The following PRDM16 variants were observed in gnomAD, a reference collection of about 807,000 sequenced individuals.
The protein encoded by PRDM16 is PR/SET domain 16.
PRDM16 carries 23 observed loss-of-function variants against 110.6 expected under a neutral mutation model. That is an observed-to-expected ratio of 0.21 (90% CI 0.15 to 0.29). PRDM16 has a LOEUF of 0.29. Among genes scored for constraint, PRDM16 ranks in the 10% least tolerant of loss-of-function variants. PRDM16 has a pLI of 1.00. For synonymous variants in PRDM16, 799 were observed against 781.8 expected (o/e 1.02, Z -0.37); for missense variants, 1,615 against 1,794.3 (o/e 0.90, Z 1.81).
At chr1:3,193,636 T>C (rs1335975807) in intron 2 of PRDM16, among the ~76,000 whole-genome samples, 2 of 152,146 alleles carry the variant, frequency 1.3e-5, no homozygotes. Flanking sequence ...TCAGACATAT[T>C]CTGAGAAGTG....
chr1:3,071,296 A>ACCGGGT (rs1294770321), intron 1 of PRDM16, among the ~76,000 whole-genome samples: 8 of 152,240 alleles, frequency 5.3e-5, no homozygotes, highest in African/African-American at 1.2e-4. Context: ...GTGGCCCGGG[A>ACCGGGT]CCGGGTCCGC....
chr1:3,367,965 C>T (rs962012071), intron 3 of PRDM16, among the ~76,000 whole-genome samples: 13 of 152,112 alleles, frequency 8.5e-5, no homozygotes, highest in South Asian at 2.1e-4. Context: ...AGCAACTTAA[C>T]GTAAAAGTAA....
At chr1:3,229,459 G>C (rs1639359469) in intron 2 of PRDM16, among the ~76,000 whole-genome samples, 1 of 152,194 alleles carries the variant, frequency 6.6e-6, no homozygotes, top group Non-Finnish European at 1.5e-5. Context: ...AGTCCATCCT[G>C]CAGACAGATG....
intron 1 of PRDM16, among the ~76,000 whole-genome samples, chr1:3,170,538 G>A (rs984928240): frequency 6.6e-6 from 1 of 152,188 alleles, no homozygotes; most frequent in Admixed American, 6.5e-5. Context: ...GTTTCCCTAG[G>A]AGCATCTGGG....
At position 3,180,862 on chromosome 1, in the gene PRDM16, A is replaced by G. The variant is rs941866821; in HGVS notation, c.38-5263A>G. On this transcript the variant is annotated intron_variant, in intron 1 of 16. Coordinates refer to ENST00000270722, the MANE Select transcript of PRDM16 (RefSeq NM_022114.4). ...TCTGCTTACACACGCAGTCTTACGC[A>G]CGGCCTTACACACGCAGTCTTACAC... is the stretch of plus-strand genomic sequence containing the variant. 9.4e-5 allele frequency among the ~76,000 whole-genome samples: 14 copies of G among 148,290 alleles called. No homozygotes were observed. In the South Asian group the frequency reaches 2.7e-3, roughly 29 times the overall value.
At chr1:3,321,624 CAT>C (rs138693216) in intron 3 of PRDM16, among the ~76,000 whole-genome samples, 60,515 of 149,928 alleles carry the variant, frequency 0.4, 12,134 homozygotes, top group South Asian at 0.55. Context: ...TGAGGCCACA[CAT>C]ATGTGTATGT....
At chr1:3,333,955 C>G (rs1325962521) in intron 3 of PRDM16, among the ~76,000 whole-genome samples, 3 of 152,210 alleles carry the variant, frequency 2.0e-5, no homozygotes, top group Non-Finnish European at 4.4e-5. Flanking sequence ...TGGTGCCATG[C>G]TTATACAGCC....
At chr1:3,404,615 C>G in intron 6 of PRDM16, 124 bp from the exon 7 acceptor site, 1 of 1,215,870 alleles carries the variant, frequency 8.2e-7, no homozygotes, top group Non-Finnish European at 1.1e-6. Context: ...AGCATGTGCT[C>G]TGATCCCTCG....
chr1:3,396,564 C>G lies in PRDM16; in HGVS notation c.647C>G (p.Pro216Arg), dbSNP rs757889853. 1 of 1,602,680 alleles carries G rather than the reference C, an allele frequency of 6.2e-7. No homozygotes were observed. Among genetic ancestry groups the G allele is most frequent in the South Asian group, 1.1e-5 (1 of 88,900 alleles). ...LLVHVKEGVY[P>R]LGTVPPGLDE... ...GTGCACGTGAAGGAAGGCGTCTACC[C>G]CCTGGGCACAGTGCCGCCCGGCCTG... The change falls in exon 5 of 17, where the codon CCC becomes CGC. Residue 216 changes from proline (P) to arginine (R), a missense_variant. Around this residue, in one of 5 missense-constraint regions of PRDM16, gnomAD observed 416 missense variants for 467.1 expected, o/e 0.89. Transcript: ENST00000270722.
intron 1 of PRDM16, among the ~76,000 whole-genome samples, chr1:3,140,169 C>T (rs1423664145): frequency 2.0e-5 from 3 of 152,282 alleles, no homozygotes; most frequent in African/African-American, 7.2e-5. Context: ...GTGGTCCCCG[C>T]TCCCCCGGCG....
At chr1:3,177,069 A>G (rs1338329924) in intron 1 of PRDM16, among the ~76,000 whole-genome samples, 2 of 152,256 alleles carry the variant, frequency 1.3e-5, no homozygotes, top group Non-Finnish European at 2.9e-5. Flanking sequence ...CCACTCATGT[A>G]TCTATACACT....
intron 12 of PRDM16, 147 bp downstream of exon 12, chr1:3,418,891 C>T: frequency 1.5e-6 from 1 of 662,502 alleles, no homozygotes; most frequent in Non-Finnish European, 2.8e-6. Context: ...ATTCTGGTCA[C>T]TCTGGCCCTC....
Position 3,275,535 on chromosome 1 carries a change from TG to T in PRDM16, c.438+31405del, listed in dbSNP as rs370167341. On this transcript the variant is annotated intron_variant, in intron 3 of 16. Transcript: ENST00000270722. Reference sequence around the variant, plus strand: ...GTCAGGCACTCGGCATGCCCCGAGGTGGGGGGGTTCAGGACGGGTCACCCTG... The same window carrying T: ...GTCAGGCACTCGGCATGCCCCGAGGTGGGGGGTTCAGGACGGGTCACCCTG... Among the ~76,000 whole-genome samples, 1,111 of 151,808 alleles carry T rather than the reference TG, an allele frequency of 7.3e-3. 18 individuals carry two copies. The highest frequency in any genetic ancestry group is 0.026 in the African/African-American group (1,066 of 41,402).
intron 1 of PRDM16, among the ~76,000 whole-genome samples, chr1:3,160,301 G>A (rs994532274): frequency 6.6e-6 from 1 of 152,142 alleles, no homozygotes; most frequent in Admixed American, 6.5e-5. Context: ...GATCATTTGC[G>A]CCTCCAGTAT....
chr1:3,342,936 G>C (rs12025979), intron 3 of PRDM16, among the ~76,000 whole-genome samples: 3,181 of 152,214 alleles, frequency 0.021, 166 homozygotes, highest in Admixed American at 0.1. Context: ...GGCTATTACA[G>C]ATAAAGTTTC....
rs1394904382 is a variant in PRDM16, at chr1:3,209,543, T to C, written c.387+23069T>C. On this transcript the variant is annotated intron_variant, in intron 2 of 16. Coordinates refer to ENST00000270722, the MANE Select transcript of PRDM16 (RefSeq NM_022114.4). This position sits in a 1 kb window ranked among gnomAD's most constrained non-coding sequence, Gnocchi z 4.6. ...CGCTGGGAGGCCGTGGTTCTGCTCC[T>C]GCACATTTCCAAAGGAAGCTCCCTG... is the stretch of plus-strand genomic sequence containing the variant. 7.9e-5 allele frequency among the ~76,000 whole-genome samples: 12 copies of C among 152,204 alleles called. No homozygotes were observed. The highest frequency in any genetic ancestry group is 5.9e-4 in the Admixed American group (9 of 15,276).
intron 3 of PRDM16, among the ~76,000 whole-genome samples, chr1:3,375,076 G>A (rs1239469022): frequency 6.6e-6 from 1 of 152,218 alleles, no homozygotes; most frequent in African/African-American, 2.4e-5. Context: ...CAGCTGGAAA[G>A]CAGAAAAGAG....
intron 1 of PRDM16, among the ~76,000 whole-genome samples, chr1:3,092,830 G>A (rs1023722089): frequency 6.6e-6 from 1 of 151,938 alleles, no homozygotes; most frequent in African/African-American, 2.4e-5. Flanking sequence ...AGGACATGAA[G>A]TCTCAAGGCA....
chr1:3,233,315 G>A (rs1048910598), intron 2 of PRDM16, among the ~76,000 whole-genome samples: 3 of 152,198 alleles, frequency 2.0e-5, no homozygotes, highest in Non-Finnish European at 4.4e-5. Context: ...GTGGACCTGG[G>A]AGGGCACATC....
Sources: allele counts gnomAD v4.1 joint callset (sites outside exome capture counted in the v4.1 genomes callset), GRCh38; gene constraint gnomAD v4.1.1; regional missense constraint gnomAD v4.1.1; non-coding constraint Gnocchi (gnomAD v3.1); transcripts MANE v1.5; gene names NCBI Gene and HGNC (gene_info 2026-07-23, HGNC 2026-07-21).